ANKRD62: variants seen among roughly 807,000 people sequenced by gnomAD.
ANKRD62 encodes ankyrin repeat domain-containing protein 62.
A neutral mutation model predicts 98.8 loss-of-function variants in ANKRD62; 61 were observed. The ratio of observed to expected loss-of-function variants is 0.62; its 90% CI spans 0.50 to 0.76. ANKRD62 has a LOEUF of 0.76. ANKRD62 is among the 30% of genes least tolerant of loss of function. The probability of loss-of-function intolerance (pLI) is 0.00; values close to 1 mark genes in which losing one functional copy is unlikely to be tolerated. For synonymous variants in ANKRD62, 341 were observed against 367.9 expected (o/e 0.93, Z 0.84); for missense variants, 933 against 1,082.9 (o/e 0.86, Z 1.94).
At chr18:12,106,702 C>T (rs553864350) in intron 7 of ANKRD62, among the ~76,000 whole-genome samples, 2 of 152,254 alleles carry the variant, frequency 1.3e-5, no homozygotes, top group African/African-American at 4.8e-5. Flanking sequence ...TCTAAAGTAG[C>T]ATCTCAGCAG....
intron 8 of ANKRD62, among the ~76,000 whole-genome samples, chr18:12,109,933 A>G (rs1381725056): frequency 1.4e-5 from 2 of 146,012 alleles, no homozygotes; most frequent in Non-Finnish European, 3.0e-5. Context: ...CAATAAAAGA[A>G]TAGGTTTCAC....
chr18:12,158,873 C>G, the ANKRD62 span, among the ~76,000 whole-genome samples: 6 of 152,052 alleles, frequency 3.9e-5, no homozygotes, highest in Admixed American at 3.9e-4. Context: ...AATATTTCAG[C>G]TGGGCTTCGA....
chr18:12,169,916 T>G, the ANKRD62 span, among the ~76,000 whole-genome samples: 1 of 152,228 alleles, frequency 6.6e-6, no homozygotes, highest in African/African-American at 2.4e-5. Context: ...TTTATTTGCA[T>G]AGAGGTGTTT....
chr18:12,106,658 T>C (rs1909418820), intron 7 of ANKRD62, among the ~76,000 whole-genome samples: 1 of 152,230 alleles, frequency 6.6e-6, no homozygotes, highest in Non-Finnish European at 1.5e-5. Flanking sequence ...GGTTACTGAA[T>C]GTGAAATTGG....
At chr18:12,163,320 A>G in the ANKRD62 span, among the ~76,000 whole-genome samples, 1 of 152,252 alleles carries the variant, frequency 6.6e-6, no homozygotes, top group East Asian at 1.9e-4. Context: ...GTCAGCCTAT[A>G]GAAATGCTAC....
chr18:12,160,725 T>C, the ANKRD62 span, among the ~76,000 whole-genome samples: 1 of 152,198 alleles, frequency 6.6e-6, no homozygotes, highest in Non-Finnish European at 1.5e-5. Context: ...TTCACCTTCT[T>C]TATTTCTTTA....
the ANKRD62 span, among the ~76,000 whole-genome samples, chr18:12,176,792 C>T: frequency 4.9e-5 from 6 of 121,230 alleles, 2 homozygotes; most frequent in African/African-American, 1.9e-4. Context: ...TTAGTCTATC[C>T]TGCCTTTGTA....
intron 6 of ANKRD62, among the ~76,000 whole-genome samples, chr18:12,100,877 A>G: frequency 6.6e-6 from 1 of 152,350 alleles, no homozygotes; most frequent in Middle Eastern, 3.4e-3. Flanking sequence ...ATATTATTAT[A>G]ATAATATTCG....
the ANKRD62 span, among the ~76,000 whole-genome samples, chr18:12,139,927 T>C: frequency 6.6e-6 from 1 of 152,238 alleles, no homozygotes; most frequent in Non-Finnish European, 1.5e-5. Context: ...TCCGGGATAA[T>C]ATCCTGCAGA....
intron 5 of ANKRD62, among the ~76,000 whole-genome samples, chr18:12,099,306 A>G (rs183251602): frequency 3.9e-5 from 6 of 152,352 alleles, no homozygotes; most frequent in Admixed American, 1.3e-4. Flanking sequence ...ATTCTTTAGA[A>G]GAAGACATTG....
chr18:12,109,833 C>T (rs1909497105), intron 8 of ANKRD62, among the ~76,000 whole-genome samples: 1 of 151,232 alleles, frequency 6.6e-6, no homozygotes, highest in Admixed American at 6.6e-5. Flanking sequence ...AGTCCAACAT[C>T]TTTCATAGAC....
In ANKRD62 at chr18:12,099,666, T is replaced by C; in HGVS notation, c.804T>C (p.Leu268=). The C allele has an allele frequency of 6.7e-7, 1 of 1,486,284 alleles. No individual in the cohort carries two copies. Among genetic ancestry groups the C allele is most frequent in the Non-Finnish European group, 8.9e-7 (1 of 1,118,554 alleles). The allele number at this position is 1,486,284 out of a possible 1,614,324, so 92.1% of individuals were successfully genotyped here. The change falls in exon 6 of 14, where the codon CTT becomes CTC. Residue 268 remains leucine (L), a synonymous_variant. Coordinates refer to ENST00000587848, the MANE Select transcript of ANKRD62 (RefSeq NM_001277333.2). The part of the protein sequence containing the change: ...EYKANKRCKS[L]QNSNSEQDLE... The stretch of plus-strand genomic sequence containing the variant: ...AAGCAAACAAGAGATGTAAAAGTCT[T>C]CAAAATAGCAATTCAGGTATGACTT...
At chr18:12,158,535 A>ATT in the ANKRD62 span, among the ~76,000 whole-genome samples, 14 of 151,228 alleles carry the variant, frequency 9.3e-5, no homozygotes, top group African/African-American at 1.7e-4. Context: ...TTTATTTTTT[A>ATT]TTTTTTTTGA....
At position 12,115,381 on chromosome 18, in the gene ANKRD62, T is replaced by G. The variant is rs772451354; in HGVS notation, c.1099-12T>G. ...TCGAGGGCATTTTGAAACAGTGTTA[T>G]TTATTTTATAGGTTAAAAGCCAAAT... is the stretch of plus-strand genomic sequence containing the variant. On this transcript the variant is annotated splice_polypyrimidine_tract_variant and intron_variant, in intron 9 of 13. Transcript: ENST00000587848. 6.6e-7 allele frequency: 1 copy of G among 1,525,840 alleles called. No individual in the cohort carries two copies. Among genetic ancestry groups the G allele is most frequent in the South Asian group, 1.2e-5 (1 of 81,966 alleles). 94.5% of individuals were successfully genotyped at this position (1,525,840 alleles called of 1,614,324 possible).
chr18:12,165,510 C>T, the ANKRD62 span, among the ~76,000 whole-genome samples: 3 of 151,610 alleles, frequency 2.0e-5, no homozygotes, highest in Non-Finnish European at 4.4e-5. Flanking sequence ...ATTGCATAAA[C>T]AAACACACAA....
In ANKRD62 at chr18:12,095,500, G is replaced by A. The variant is rs751302986; in HGVS notation, c.397G>A (p.Val133Ile). The A allele has an allele frequency of 6.4e-7, 1 of 1,572,452 alleles. No individual in the cohort carries two copies. Among genetic ancestry groups the A allele is most frequent in the East Asian group, 2.3e-5 (1 of 43,834 alleles). ...GCTGGAACATGGCGCCAACCCAAAT[G>A]TTAGAGATATGTATGGCAACACTGC... ...ILLEHGANPN[V>I]RDMYGNTALH... The change falls in exon 3 of 14, where the codon GTT (valine) becomes ATT (isoleucine). Residue 133 changes from valine to isoleucine, a missense_variant. Val to Ile is a conservative substitution (Grantham distance 29, BLOSUM62 3). Around this residue, in one of 3 missense-constraint regions of ANKRD62, gnomAD observed 549 missense variants for 587.9 expected, o/e 0.93. Transcript: ENST00000587848.
the ANKRD62 span, among the ~76,000 whole-genome samples, chr18:12,172,399 G>A: frequency 6.6e-6 from 1 of 152,280 alleles, no homozygotes; most frequent in African/African-American, 2.4e-5. Context: ...GGAGTTTGCT[G>A]GAGGTCCACT....
intron 1 of ANKRD62, among the ~76,000 whole-genome samples, chr18:12,094,853 G>T (rs1568056794): frequency 7.7e-6 from 1 of 129,052 alleles, no homozygotes; most frequent in Non-Finnish European, 1.7e-5. Context: ...GGAGTCGAGT[G>T]GAGTGAGGGT....
intron 7 of ANKRD62, 83 bp from the exon 8 acceptor site, chr18:12,107,212 T>G: frequency 1.2e-6 from 1 of 828,710 alleles, no homozygotes; most frequent in Non-Finnish European, 1.7e-6. Flanking sequence ...CTGAGTCAAG[T>G]GATTAAATGA....
Sources: gnomAD v4.1 joint callset for allele counts (sites outside exome capture counted in the v4.1 genomes callset) on GRCh38, gnomAD v4.1.1 for gene constraint, gnomAD v4.1.1 regional missense constraint, MANE v1.5 for transcripts, NCBI Gene and HGNC (gene_info 2026-07-23, HGNC 2026-07-21) for gene names.